The following MGME1 variants were observed in gnomAD, a reference collection of about 807,000 sequenced individuals.
The protein encoded by MGME1 is chromosome 20 open reading frame 72.
MGME1 carries 22 observed loss-of-function variants against 33.0 expected under a neutral mutation model. The ratio of observed to expected loss-of-function variants is 0.67; its 90% CI spans 0.48 to 0.95. MGME1 has a LOEUF of 0.95. MGME1 is among the 40% of genes least tolerant of loss of function. The pLI is 0.00. For synonymous variants in MGME1, 133 were observed against 144.0 expected (o/e 0.92, Z 0.55); for missense variants, 383 against 397.8 (o/e 0.96, Z 0.32).
chr20:17,985,370 C>T (rs2036129623), intron 3 of MGME1, among the ~76,000 whole-genome samples: 1 of 152,118 alleles, frequency 6.6e-6, no homozygotes, highest in Admixed American at 6.5e-5. Context: ...TTGCAGTGAG[C>T]CAAAATTGTG....
intron 2 of MGME1, 47 bp from the exon 3 acceptor site, chr20:17,975,637 C>A: frequency 7.3e-7 from 1 of 1,372,010 alleles, no homozygotes. Flanking sequence ...TCAGTGTTAG[C>A]TTTGTTTGTG....
At chr20:17,974,055 T>TTG (rs10656525) in intron 2 of MGME1, among the ~76,000 whole-genome samples, 22,533 of 107,842 alleles carry the variant, frequency 0.21, 3,189 homozygotes, top group South Asian at 0.35. Flanking sequence ...TTGAGTCTCT[T>TTG]TGTGTGTTTT....
chr20:17,972,929 G>A (rs1021344965), intron 2 of MGME1, among the ~76,000 whole-genome samples: 2 of 152,108 alleles, frequency 1.3e-5, no homozygotes, highest in African/African-American at 2.4e-5. Context: ...GGTCTTTCAC[G>A]TGTTAATAAT....
At chr20:17,985,671 G>GT (rs1165769342) in intron 3 of MGME1, among the ~76,000 whole-genome samples, 1 of 152,076 alleles carries the variant, frequency 6.6e-6, no homozygotes, top group Non-Finnish European at 1.5e-5. Context: ...CAAGTATACT[G>GT]TTTTTTATCT....
intron 3 of MGME1, among the ~76,000 whole-genome samples, chr20:17,978,261 ATGGCG>A (rs892422127): frequency 6.6e-6 from 1 of 151,984 alleles, no homozygotes; most frequent in African/African-American, 2.4e-5. Flanking sequence ...TTGGAGTGCA[ATGGCG>A]TGATCTTGGC....
chr20:17,984,425 T>C (rs2036105593), intron 3 of MGME1, among the ~76,000 whole-genome samples: 1 of 152,220 alleles, frequency 6.6e-6, no homozygotes, highest in Admixed American at 6.5e-5. Context: ...AGTGATGTTA[T>C]GTTATAGTGC....
chr20:17,980,795 T>G, intron 3 of MGME1, among the ~76,000 whole-genome samples: 1 of 145,642 alleles, frequency 6.9e-6, no homozygotes, highest in Non-Finnish European at 1.5e-5. Flanking sequence ...GGTGACAGAG[T>G]GAGACTCCAT....
At chr20:17,985,644 G>A (rs564511974) in intron 3 of MGME1, among the ~76,000 whole-genome samples, 13 of 152,238 alleles carry the variant, frequency 8.5e-5, no homozygotes. Context: ...AGCTGCATTC[G>A]TGGTAGGTGC....
intron 3 of MGME1, among the ~76,000 whole-genome samples, chr20:17,985,193 G>T (rs1181860652): frequency 6.6e-6 from 1 of 152,224 alleles, no homozygotes; most frequent in Admixed American, 6.5e-5. Flanking sequence ...GGAGGCCAAG[G>T]TGGGTGGATC....
intron 3 of MGME1, among the ~76,000 whole-genome samples, chr20:17,981,508 T>A (rs989313591): frequency 1.3e-5 from 2 of 152,266 alleles, no homozygotes; most frequent in African/African-American, 4.8e-5. Flanking sequence ...TTGATCTACT[T>A]CTTTTTTTAC....
In MGME1 at chr20:17,975,730, A is replaced by G; in HGVS notation, c.558A>G (p.Ile186Met). ...GGTTCCACGAAGCCTTGGAAAGCAT[A>G]CTTTCACCCCAGGAAACCTTAAAAG... ...GKRFHEALES[I>M]LSPQETLKER... Residue 186 changes from isoleucine to methionine, a missense_variant, in exon 3 of 5, where the codon ATA becomes ATG. Physicochemically the swap from Ile to Met is conservative, Grantham distance 10. Coordinates refer to ENST00000377710, the MANE Select transcript of MGME1 (RefSeq NM_052865.4). 6.2e-7 allele frequency: 1 copy of G among 1,614,108 alleles called. No homozygotes were observed.
In MGME1 at chr20:17,981,971, G is replaced by A. The variant is rs371612672; in HGVS notation, c.731+6068G>A. 2.0e-4 allele frequency among the ~76,000 whole-genome samples: 30 copies of A among 151,888 alleles called. No individual in the cohort carries two copies. The East Asian group carries it at 2.1e-3, about 11-fold the overall frequency. On this transcript the variant is annotated intron_variant, in intron 3 of 4. Transcript: ENST00000377710. ...CCTGGCCCTACTTCTCTCTTAACTCGTTTTTTGTATTCTTTTGTATGAATG... is the reference window on the plus strand; with the variant it reads ...CCTGGCCCTACTTCTCTCTTAACTCATTTTTTGTATTCTTTTGTATGAATG...
Position 17,975,779 on chromosome 20 carries a change from T to C in MGME1, c.607T>C (p.Ser203Pro). The change falls in exon 3 of 5, where the codon TCT (serine) becomes CCT (proline). Residue 203 changes from serine to proline, a missense_variant. Transcript: ENST00000377710. The part of the protein sequence containing the change: ...LKERDENLLK[S>P]GYIESVQHIL... ...AGAGAGAGATGAAAATCTCCTCAAG[T>C]CTGGTTACATTGAAAGTGTCCAGCA... 6.2e-7 allele frequency: 1 copy of C among 1,614,082 alleles called. No individual in the cohort carries two copies. The highest frequency in any genetic ancestry group is 8.5e-7 in the Non-Finnish European group (1 of 1,179,952).
intron 2 of MGME1, among the ~76,000 whole-genome samples, chr20:17,974,585 T>G (rs1462139289): frequency 6.6e-6 from 1 of 152,210 alleles, no homozygotes; most frequent in African/African-American, 2.4e-5. Context: ...TGTCCTAATG[T>G]GTCCTAATGA....
At chr20:17,982,587 T>C (rs139073338) in intron 3 of MGME1, among the ~76,000 whole-genome samples, 1,882 of 152,330 alleles carry the variant, frequency 0.012, 26 homozygotes, top group Middle Eastern at 0.02. Context: ...GGGTCAAGGG[T>C]ATGCATTTTA....
At chr20:17,969,433 C>T (rs2035651420) in intron 1 of MGME1, among the ~76,000 whole-genome samples, 1 of 152,202 alleles carries the variant, frequency 6.6e-6, no homozygotes. Context: ...GAATACTTAG[C>T]AGAGAGCCTG....
rs765580422 is a variant in MGME1 at position 17,970,071 on chromosome 20, C to T, written c.212C>T (p.Ser71Leu). 6.2e-7 allele frequency: 1 copy of T among 1,614,190 alleles called. No homozygotes were observed. The highest frequency in any genetic ancestry group is 8.5e-7 in the Non-Finnish European group (1 of 1,180,038). Reference sequence around the variant, plus strand: ...AGAGGCGTCGCCCAGACCCCGGGATCGGTGGAGGAAGATGCTTTGCTCTGT... The same window carrying T: ...AGAGGCGTCGCCCAGACCCCGGGATTGGTGGAGGAAGATGCTTTGCTCTGT... ...SSRGVAQTPG[S>L]VEEDALLCGP... The change falls in exon 2 of 5, where the codon TCG becomes TTG. Residue 71 changes from serine to leucine, a missense_variant. Physicochemically the swap from Ser to Leu is moderately radical, Grantham distance 145. Transcript: ENST00000377710.
At chr20:17,968,740 G>A (rs1244192330), upstream of MGME1, 3 of 404,210 alleles carry the variant, frequency 7.4e-6, no homozygotes, top group Non-Finnish European at 1.4e-5. Context: ...CCGCAGGGCC[G>A]CGACACGGAC....
At chr20:17,968,790 G>A (rs1304032146), upstream of MGME1, 1 of 283,760 alleles carries the variant, frequency 3.5e-6, no homozygotes, top group Non-Finnish European at 6.7e-6. Context: ...CGCGTCTAGA[G>A]AAAGACCGCG....
Sources: gnomAD v4.1 joint callset for allele counts (sites outside exome capture counted in the v4.1 genomes callset) on GRCh38, gnomAD v4.1.1 for gene constraint, MANE v1.5 for transcripts, NCBI Gene and HGNC (gene_info 2026-07-23, HGNC 2026-07-21) for gene names.